Variants in SOX5 observed in about 807,000 individuals in gnomAD.
SOX5 encodes the protein transcription factor SOX-5.
In SOX5, 9 loss-of-function variants were observed where a neutral mutation model predicts 92.0. The ratio of observed to expected loss-of-function variants is 0.10; its 90% confidence interval spans 0.06 to 0.17. The LOEUF (loss-of-function observed/expected upper bound fraction) is 0.17, where lower values mean the gene tolerates loss of function less well. Among genes scored for constraint, SOX5 ranks in the 10% least tolerant of loss-of-function variants. The pLI, the probability that SOX5 is intolerant of heterozygous loss-of-function variation, is 1.00. For synonymous variants in SOX5, 344 were observed against 336.3 expected (o/e 1.02, Z -0.25); for missense variants, 642 against 944.5 (o/e 0.68, Z 4.20).
rs1423204355 is a variant in SOX5 at position 23,838,100 on chromosome 12, T to C, written c.481+7883A>G. ...TTATATTTATATATATTTATACTTA[T>C]ATACTATATATTTATATTTATACAA... On this transcript the variant is annotated intron_variant, in intron 3 of 14. Coordinates refer to ENST00000451604, the MANE Select transcript of SOX5 (RefSeq NM_006940.6). Among the ~76,000 whole-genome samples the C allele has an allele frequency of 2.9e-5, 4 of 139,110 alleles. No homozygotes were observed. In the East Asian group the frequency reaches 8.4e-4, roughly 29 times the overall value. 91.3% of individuals were successfully genotyped at this position (139,110 alleles called of 152,430 possible).
chr12:24,367,531 A>T (rs1956293390), intron 2 of SOX5, among the ~76,000 whole-genome samples: 1 of 152,208 alleles, frequency 6.6e-6, no homozygotes, highest in Non-Finnish European at 1.5e-5. Context: ...TTGTAAATTT[A>T]TAGTGTATCC....
chr12:24,136,293 A>T (rs1950101379), intron 4 of SOX5, among the ~76,000 whole-genome samples: 3 of 152,242 alleles, frequency 2.0e-5, no homozygotes, highest in Admixed American at 2.0e-4. Context: ...GAGTAGAGTC[A>T]TGGGTTTTCA....
At chr12:23,546,179 C>T in intron 12 of SOX5, 137 bp downstream of exon 12, 1 of 577,596 alleles carries the variant, frequency 1.7e-6, no homozygotes, top group Non-Finnish European at 3.1e-6. Flanking sequence ...CACATGGGGA[C>T]TGCTCAGTAT....
intron 9 of SOX5, among the ~76,000 whole-genome samples, chr12:23,598,283 CA>C (rs1263387594): frequency 1.2e-4 from 18 of 151,692 alleles, no homozygotes; most frequent in African/African-American, 4.1e-4. Flanking sequence ...TTATATTGAG[CA>C]GTGCTTTTTG....
At position 24,311,340 on chromosome 12, in the gene SOX5, G is replaced by A. The variant is rs115383969; in HGVS notation, c.-173-34028C>T. Among the ~76,000 whole-genome samples the A allele has an allele frequency of 6.3e-3, 964 of 152,164 alleles. 8 individuals are homozygous for A. The highest frequency in any genetic ancestry group is 0.022 in the African/African-American group (913 of 41,530). On this transcript the variant is annotated intron_variant, in intron 2 of 4. Transcript: ENST00000446891. ...GCCTTTTGAGCCATCATTTCTGAAG[G>A]TTCATTAAATAAATTTGTTATGTTT... is the stretch of plus-strand genomic sequence containing the variant.
chr12:24,383,469 C>T (rs542318590), intron 1 of SOX5, among the ~76,000 whole-genome samples: 1 of 152,278 alleles, frequency 6.6e-6, no homozygotes, highest in Non-Finnish European at 1.5e-5. Flanking sequence ...CAAAAATCTT[C>T]AATGGAAAAT....
intron 1 of SOX5, among the ~76,000 whole-genome samples, chr12:24,440,126 T>C (rs1940241300): frequency 6.6e-6 from 1 of 151,886 alleles, no homozygotes; most frequent in Non-Finnish European, 1.5e-5. Context: ...ATAGGAGAGG[T>C]CTTCCTTGGC....
At chr12:23,546,043 C>T (rs1943071305) in intron 12 of SOX5, among the ~76,000 whole-genome samples, 1 of 152,092 alleles carries the variant, frequency 6.6e-6, no homozygotes, top group African/African-American at 2.4e-5. Context: ...ACTTAGAGCC[C>T]TGTGACCTGG....
chr12:24,006,300 C>A (rs1176076233), intron 4 of SOX5, among the ~76,000 whole-genome samples: 1 of 152,066 alleles, frequency 6.6e-6, no homozygotes, highest in Non-Finnish European at 1.5e-5. Flanking sequence ...AATGATTAAT[C>A]CTAAGATGTT....
chr12:23,844,489 G>A (rs532802806), intron 3 of SOX5, among the ~76,000 whole-genome samples: 11 of 151,994 alleles, frequency 7.2e-5, no homozygotes, highest in African/African-American at 2.4e-4. Flanking sequence ...ATCACCTGCA[G>A]CCATGACTTC....
At chr12:23,736,926 C>T (rs964044640) in intron 5 of SOX5, among the ~76,000 whole-genome samples, 12 of 151,688 alleles carry the variant, frequency 7.9e-5, no homozygotes, top group Admixed American at 1.3e-4. Context: ...CTCCTGACCT[C>T]GGGTGATCCA....
At chr12:24,213,655 C>T (rs1010613365) in intron 3 of SOX5, among the ~76,000 whole-genome samples, 3 of 150,708 alleles carry the variant, frequency 2.0e-5, no homozygotes, top group African/African-American at 4.9e-5. Context: ...CAGACTCATA[C>T]GACTGTGCTA....
Position 23,970,841 on chromosome 12 carries a change from A to ATATTTTTTTTTTTTT in SOX5, c.-1-74818_-1-74817insAAAAAAAAAAAAATA. ...ACATGGGACTTTATATATATATATA[A>ATATTTTTTTTTTTTT]TTTTTTTTTTTTTTTAAGAAATGGG... On this transcript the variant is annotated intron_variant, in intron 4 of 4. Coordinates refer to the SOX5 transcript ENST00000446891. Among the ~76,000 whole-genome samples, 4 of 21,882 alleles carry ATATTTTTTTTTTTTT rather than the reference A, an allele frequency of 1.8e-4. 1 individual carries two copies. Among genetic ancestry groups the ATATTTTTTTTTTTTT allele is most frequent in the Non-Finnish European group, 4.1e-4 (4 of 9,706 alleles). The allele number at this position is 21,882 out of a possible 152,430, so 14.4% of individuals were successfully genotyped here.
intron 3 of SOX5, among the ~76,000 whole-genome samples, chr12:23,776,282 T>C (rs1286939717): frequency 6.6e-6 from 1 of 152,204 alleles, no homozygotes; most frequent in African/African-American, 2.4e-5. Context: ...CAATTTATTT[T>C]CCTCACTGTC....
At chr12:23,896,563 CAGAA>C (rs2097179596) in intron 1 of SOX5, among the ~76,000 whole-genome samples, 1 of 151,942 alleles carries the variant, frequency 6.6e-6, no homozygotes, top group South Asian at 2.1e-4. Context: ...CAGCAACTGA[CAGAA>C]AGTTTAATAT....
At chr12:24,292,807 T>C (rs1420050107) in intron 2 of SOX5, among the ~76,000 whole-genome samples, 1 of 152,196 alleles carries the variant, frequency 6.6e-6, no homozygotes, top group Non-Finnish European at 1.5e-5. Flanking sequence ...TTCGAAGAAA[T>C]TTCCACAGAC....
At chr12:23,663,546 A>T (rs1251603646) in intron 7 of SOX5, among the ~76,000 whole-genome samples, 3 of 152,086 alleles carry the variant, frequency 2.0e-5, no homozygotes, top group Non-Finnish European at 4.4e-5. Context: ...GCTTTAAAAA[A>T]CTTTTTTGTT....
At chr12:23,996,121 CAT>C (rs1951008299) in intron 4 of SOX5, among the ~76,000 whole-genome samples, 1 of 152,084 alleles carries the variant, frequency 6.6e-6, no homozygotes, top group Non-Finnish European at 1.5e-5. Context: ...TATCATATAA[CAT>C]GTGGTAGAAG....
At chr12:23,624,594 T>G (rs934910984) in intron 8 of SOX5, among the ~76,000 whole-genome samples, 2 of 152,126 alleles carry the variant, frequency 1.3e-5, no homozygotes, top group Non-Finnish European at 2.9e-5. Context: ...CCTATTACAA[T>G]GTAAGACACC....
Sources: allele counts gnomAD v4.1 joint callset (sites outside exome capture counted in the v4.1 genomes callset), GRCh38; gene constraint gnomAD v4.1.1; transcripts MANE v1.5; gene names NCBI Gene and HGNC (gene_info 2026-07-23, HGNC 2026-07-21).